The following PCSK5 variants were observed in gnomAD, a reference collection of about 807,000 sequenced individuals.
PCSK5 encodes the protein prohormone convertase 5.
PCSK5 carries 129 observed loss-of-function variants against 233.2 expected under a neutral mutation model. The observed-to-expected ratio is 0.55, with a 90% CI of 0.48 to 0.64. The LOEUF is 0.64. Among genes scored for constraint, PCSK5 ranks in the 30% least tolerant of loss-of-function variants. The pLI is 0.00. For missense variants in PCSK5, 2,076 were observed against 2,430.1 expected, an observed-to-expected ratio of 0.85 and a Z score of 3.06; for synonymous variants, 825 against 879.2, an observed-to-expected ratio of 0.94 and a Z score of 1.09.
chr9:76,351,698 G>GAAGGAGATTCATTTGCC (rs58567251), intron 36 of PCSK5, among the ~76,000 whole-genome samples: 121,175 of 139,776 alleles, frequency 0.87, 52,880 homozygotes, highest in South Asian at 0.91. Context: ...AGGGAGGAAG[G>GAAGGAGATTCATTTGCC]AAGGAGATTC....
chr9:76,161,945 CA>C (rs1822880729), intron 12 of PCSK5, among the ~76,000 whole-genome samples: 1 of 152,184 alleles, frequency 6.6e-6, no homozygotes, highest in South Asian at 2.1e-4. Context: ...AGTTTGCTCC[CA>C]GAATGTGTCT....
intron 35 of PCSK5, among the ~76,000 whole-genome samples, chr9:76,347,882 G>A (rs1254728469): frequency 1.3e-5 from 2 of 151,460 alleles, no homozygotes; most frequent in Non-Finnish European, 2.9e-5. Flanking sequence ...TTATTTTATT[G>A]TAAATTGACA....
intron 10 of PCSK5, among the ~76,000 whole-genome samples, chr9:76,148,816 T>A (rs1221948128): frequency 1.3e-5 from 2 of 152,206 alleles, no homozygotes; most frequent in Non-Finnish European, 2.9e-5. Flanking sequence ...GCCTCTGATA[T>A]CCCGTATAAC....
chr9:75,928,347 GC>G (rs1454027758), intron 1 of PCSK5, among the ~76,000 whole-genome samples: 1 of 151,594 alleles, frequency 6.6e-6, no homozygotes, highest in Non-Finnish European at 1.5e-5. Context: ...ACCACAATCA[GC>G]TTTTGTTTTA....
intron 20 of PCSK5, chr9:76,195,789 T>C (rs892927201): frequency 2.0e-5 from 3 of 152,212 alleles, no homozygotes; most frequent in Admixed American, 6.6e-5. Context: ...TTCAGTTGTT[T>C]TTTTGTAAAA....
At chr9:76,357,735 G>T (rs548735961) in intron 37 of PCSK5, among the ~76,000 whole-genome samples, 10 of 152,266 alleles carry the variant, frequency 6.6e-5, no homozygotes, top group African/African-American at 2.2e-4. Context: ...ATAAGGTCTT[G>T]TCTCTGACAA....
chr9:76,024,229 C>T lies in PCSK5; in HGVS notation c.555+348C>T, dbSNP rs374697972. Among the ~76,000 whole-genome samples the T allele has an allele frequency of 2.2e-3, 332 of 152,302 alleles. 3 individuals carry two copies. In the South Asian group the frequency reaches 0.037, roughly 17 times the overall value. ...TTCTTTTATGGAGAAAAATGTACTT[C>T]GAACTTTTCTCCAGTTATCTGCTGG... On this transcript the variant is annotated intron_variant, in intron 4 of 37. Coordinates refer to ENST00000674117, the MANE Select transcript of PCSK5 (RefSeq NM_001372043.1).
chr9:76,197,926 G>C (rs545002383), intron 20 of PCSK5, among the ~76,000 whole-genome samples: 2 of 152,328 alleles, frequency 1.3e-5, no homozygotes, highest in South Asian at 4.1e-4. Flanking sequence ...GACATATTTA[G>C]CAGGGCATAG....
intron 2 of PCSK5, among the ~76,000 whole-genome samples, chr9:75,950,203 C>G (rs1203526403): frequency 2.0e-5 from 3 of 150,572 alleles, no homozygotes; most frequent in African/African-American, 7.3e-5. Context: ...ACAACAAGGG[C>G]CTTTTATTTA....
At chr9:75,966,122 C>T (rs1050050451) in intron 2 of PCSK5, among the ~76,000 whole-genome samples, 7 of 152,132 alleles carry the variant, frequency 4.6e-5, no homozygotes, top group East Asian at 1.9e-4. Context: ...TTGTGTCAAC[C>T]GGTGTCTCTA....
At chr9:76,002,510 C>T (rs948583334) in intron 3 of PCSK5, among the ~76,000 whole-genome samples, 17 of 152,048 alleles carry the variant, frequency 1.1e-4, no homozygotes, top group Non-Finnish European at 2.2e-4. Context: ...TAAGAACAAA[C>T]GTAAGATTTA....
intron 14 of PCSK5, among the ~76,000 whole-genome samples, chr9:76,176,476 C>T (rs1448739077): frequency 6.6e-6 from 1 of 152,106 alleles, no homozygotes; most frequent in African/African-American, 2.4e-5. Flanking sequence ...CCTTATTATT[C>T]TTCCAGATGA....
At chr9:76,257,790 C>T (rs1827031853) in intron 24 of PCSK5, among the ~76,000 whole-genome samples, 1 of 152,176 alleles carries the variant, frequency 6.6e-6, no homozygotes, top group Admixed American at 6.5e-5. Flanking sequence ...CTGACCTCTC[C>T]AAACCTTAGT....
At chr9:75,933,467 T>G (rs1823903200) in intron 2 of PCSK5, among the ~76,000 whole-genome samples, 1 of 152,214 alleles carries the variant, frequency 6.6e-6, no homozygotes, top group African/African-American at 2.4e-5. Context: ...CCCCTACCAG[T>G]GCGCATAGCA....
intron 28 of PCSK5, among the ~76,000 whole-genome samples, chr9:76,307,702 G>T (rs896396343): frequency 1.3e-5 from 2 of 152,026 alleles, no homozygotes; most frequent in Non-Finnish European, 2.9e-5. Flanking sequence ...TAATTTTGAT[G>T]TTTAACAATG....
At chr9:76,091,644 G>A (rs1831293469) in intron 7 of PCSK5, among the ~76,000 whole-genome samples, 1 of 152,064 alleles carries the variant, frequency 6.6e-6, no homozygotes, top group South Asian at 2.1e-4. Context: ...GGCCAGTGGG[G>A]TATGCTGGCC....
intron 1 of PCSK5, among the ~76,000 whole-genome samples, chr9:75,905,324 T>A (rs1291044739): frequency 6.6e-6 from 1 of 151,926 alleles, no homozygotes; most frequent in African/African-American, 2.4e-5. Context: ...GCCTGGGCAA[T>A]AAAGTGACAC....
Position 76,096,188 on chromosome 9 carries a change from T to TACACAC in PCSK5, c.1107+87_1107+88insCACACA, listed in dbSNP as rs142997056. 738 of 658,832 alleles carry TACACAC rather than the reference T, an allele frequency of 1.1e-3. 2 individuals are homozygous for TACACAC. The highest frequency in any genetic ancestry group is 7.2e-3 in the African/African-American group (376 of 52,286). The allele number at this position is 658,832 out of a possible 1,614,324, so 40.8% of individuals were successfully genotyped here. On this transcript the variant is annotated intron_variant, in intron 8 of 37. Transcript: ENST00000674117. ...AGGGAGAACCATAAACATATATATA[T>TACACAC]ATACACACACACACACACACACACA... is the stretch of plus-strand genomic sequence containing the variant.
intron 10 of PCSK5, among the ~76,000 whole-genome samples, chr9:76,144,432 AAAAC>A (rs1823358221): frequency 6.6e-6 from 1 of 152,206 alleles, no homozygotes; most frequent in African/African-American, 2.4e-5. Context: ...AAGATAGCTA[AAAAC>A]ATGAGAAATG....
Sources: gnomAD v4.1 joint callset for allele counts (sites outside exome capture counted in the v4.1 genomes callset) on GRCh38, gnomAD v4.1.1 for gene constraint, MANE v1.5 for transcripts, NCBI Gene and HGNC (gene_info 2026-07-23, HGNC 2026-07-21) for gene names.